The following MORC1 variants were observed in gnomAD, a reference collection of about 807,000 sequenced individuals.
The protein encoded by MORC1 is MORC family CW-type zinc finger 1.
MORC1 carries 59 observed loss-of-function variants against 134.9 expected under a neutral mutation model. The ratio of observed to expected loss-of-function variants is 0.44; its 90% CI spans 0.35 to 0.54. The LOEUF (loss-of-function observed/expected upper bound fraction) is 0.54, where lower values mean the gene tolerates loss of function less well. Ranked by LOEUF, MORC1 falls within the 20% of genes least tolerant of loss-of-function variation. The pLI is 0.00. For missense variants in MORC1, 947 were observed against 1,134.5 expected, an observed-to-expected ratio of 0.83 and a Z score of 2.37; for synonymous variants, 395 against 391.7, an observed-to-expected ratio of 1.01 and a Z score of -0.10.
intron 8 of MORC1, among the ~76,000 whole-genome samples, chr3:109,080,880 T>C (rs1008242295): frequency 6.6e-6 from 1 of 152,054 alleles, no homozygotes; most frequent in East Asian, 1.9e-4. Flanking sequence ...TGAAAAGGAA[T>C]AGTTCATCCA....
At chr3:109,035,187 T>G (rs1949345569) in intron 15 of MORC1, among the ~76,000 whole-genome samples, 153 bp downstream of exon 15, 1 of 152,192 alleles carries the variant, frequency 6.6e-6, no homozygotes, top group Non-Finnish European at 1.5e-5. Flanking sequence ...GTATTACAAT[T>G]ATTTTCACAC....
At chr3:108,982,887 G>C (rs1947781879) in intron 23 of MORC1, among the ~76,000 whole-genome samples, 1 of 151,162 alleles carries the variant, frequency 6.6e-6, no homozygotes. Context: ...TATCTCCATG[G>C]ATTATTTTTG....
chr3:108,961,181 A>G (rs1009480665), intron 27 of MORC1, among the ~76,000 whole-genome samples: 8 of 152,188 alleles, frequency 5.3e-5, no homozygotes, highest in African/African-American at 1.9e-4. Context: ...CTAAGTGTCT[A>G]GCACCATTAA....
At chr3:109,093,414 A>G (rs745451568) in intron 8 of MORC1, 22 bp downstream of exon 8, 24 of 1,577,528 alleles carry the variant, frequency 1.5e-5, no homozygotes, top group Non-Finnish European at 2.1e-5. Flanking sequence ...GTTGAAAAAC[A>G]TTCTGTCAAA....
intron 27 of MORC1, among the ~76,000 whole-genome samples, chr3:108,962,817 G>A (rs965814591): frequency 3.3e-5 from 5 of 152,050 alleles, no homozygotes; most frequent in East Asian, 3.9e-4. Flanking sequence ...GCATTGAAAC[G>A]TACAAACAAA....
In MORC1 at chr3:109,004,046, C is replaced by T. The variant is rs139657059; in HGVS notation, c.2085+771G>A. On this transcript the variant is annotated intron_variant, in intron 20 of 27. Transcript: ENST00000232603. ...TCACGCCACTGCACTCCAGCCTGGG[C>T]GACAGAGCGAGACTTCGTCTCAAAA... Among the ~76,000 whole-genome samples the T allele has an allele frequency of 7.4e-4, 112 of 152,086 alleles. 1 individual carries two copies. The East Asian group carries it at 0.02, about 27-fold the overall frequency.
At chr3:109,012,639 A>G (rs916916505) in intron 17 of MORC1, among the ~76,000 whole-genome samples, 4 of 152,200 alleles carry the variant, frequency 2.6e-5, no homozygotes, top group African/African-American at 7.2e-5. Flanking sequence ...TATTTCGTCA[A>G]CGTTATCTGT....
chr3:109,007,232 TTTAAG>T (rs1948561844), intron 17 of MORC1, 141 bp from the exon 18 acceptor site: 1 of 610,850 alleles, frequency 1.6e-6, no homozygotes, highest in Non-Finnish European at 2.8e-6. Flanking sequence ...AAGGAGTGCA[TTTAAG>T]TTTAGATATC....
chr3:109,099,964 C>T (rs1214896924), intron 5 of MORC1, among the ~76,000 whole-genome samples: 1 of 152,178 alleles, frequency 6.6e-6, no homozygotes, highest in Non-Finnish European at 1.5e-5. Flanking sequence ...CAGTTATGGG[C>T]CGGGCGTGGT....
chr3:109,006,354 A>C (rs6437812), intron 18 of MORC1, among the ~76,000 whole-genome samples: 138,764 of 152,190 alleles, frequency 0.91, 64,180 homozygotes, highest in East Asian at 1. Context: ...AAAAAACACA[A>C]ACACAAACTA....
intron 27 of MORC1, among the ~76,000 whole-genome samples, chr3:108,963,172 A>C (rs1276884341): frequency 6.8e-6 from 1 of 147,492 alleles, no homozygotes; most frequent in Non-Finnish European, 1.5e-5. Flanking sequence ...CTGGCAACAC[A>C]GCAAGACTCC....
Position 108,971,333 on chromosome 3 carries a change from A to G in MORC1, c.2547T>C (p.Cys849=), listed in dbSNP as rs1485692764. 1 of 1,613,040 alleles carries G rather than the reference A, an allele frequency of 6.2e-7. No homozygotes were observed. The change falls in exon 25 of 28, where the codon TGT becomes TGC. Residue 849 remains cysteine, a synonymous_variant. Transcript: ENST00000232603. ...PSELEEPALS[C]ELEQCPEQMN... ...GTTCCAAAAAAAACCAGCTTACCTC[A>G]CAACTTAATGCAGGTTCTTCCAATT...
intron 3 of MORC1, among the ~76,000 whole-genome samples, chr3:109,109,163 C>T (rs1012655310): frequency 6.6e-6 from 1 of 152,102 alleles, no homozygotes; most frequent in African/African-American, 2.4e-5. Context: ...TCTTAGACCA[C>T]CCATGAAAAG....
chr3:109,044,873 A>C (rs563080369), intron 14 of MORC1, among the ~76,000 whole-genome samples: 1 of 147,370 alleles, frequency 6.8e-6, no homozygotes, highest in African/African-American at 2.5e-5. Context: ...TGAAGCCAGG[A>C]GGTGGAGGTT....
chr3:108,977,553 G>A (rs1423705118), intron 24 of MORC1, among the ~76,000 whole-genome samples: 2 of 152,060 alleles, frequency 1.3e-5, no homozygotes, highest in African/African-American at 4.8e-5. Flanking sequence ...TGATTCACTT[G>A]TAGTAATGTC....
At chr3:109,078,670 T>A (rs922884881) in intron 8 of MORC1, among the ~76,000 whole-genome samples, 1 of 151,514 alleles carries the variant, frequency 6.6e-6, no homozygotes, top group Non-Finnish European at 1.5e-5. Context: ...AAAAAAGATA[T>A]AAGAAAATAA....
intron 17 of MORC1, among the ~76,000 whole-genome samples, chr3:109,009,197 G>GTTTTTTTT (rs201228015): frequency 7.5e-6 from 1 of 133,810 alleles, no homozygotes. Context: ...CTATTTTTAC[G>GTTTTTTTT]TTTTTTGTTG....
intron 14 of MORC1, among the ~76,000 whole-genome samples, chr3:109,036,425 G>A (rs901310421): frequency 3.3e-5 from 5 of 152,066 alleles, no homozygotes; most frequent in African/African-American, 1.2e-4. Context: ...AGAAAGAGAG[G>A]TGGAGAGGAA....
At chr3:108,987,428 C>A (rs1947925129) in intron 21 of MORC1, among the ~76,000 whole-genome samples, 1 of 152,034 alleles carries the variant, frequency 6.6e-6, no homozygotes, top group Admixed American at 6.6e-5. Context: ...AGTCCCAAAG[C>A]ATAATAGATA....
Sources: allele counts gnomAD v4.1 joint callset (sites outside exome capture counted in the v4.1 genomes callset), GRCh38; gene constraint gnomAD v4.1.1; transcripts MANE v1.5; gene names NCBI Gene and HGNC (gene_info 2026-07-23, HGNC 2026-07-21).